The following ALPP variants were observed in gnomAD, a reference collection of about 807,000 sequenced individuals.
ALPP encodes alkaline phosphatase, placental type.
A neutral mutation model predicts 50.7 loss-of-function variants in ALPP; 39 were observed. The observed-to-expected ratio is 0.77, with a 90% confidence interval of 0.60 to 1.00. The LOEUF (loss-of-function observed/expected upper bound fraction) is 1.00, where lower values mean the gene tolerates loss of function less well. ALPP is among the 50% of genes least tolerant of loss of function. The probability of loss-of-function intolerance (pLI) is 0.00; values close to 1 mark genes in which losing one functional copy is unlikely to be tolerated. For missense variants in ALPP, 550 were observed against 746.8 expected (o/e 0.74, Z 3.07); for synonymous variants, 226 against 320.3 (o/e 0.71, Z 3.14).
chr2:232,381,730 G>T lies in ALPP; in HGVS notation c.1543G>T (p.Val515Phe). 2 of 1,600,392 alleles carry T rather than the reference G, an allele frequency of 1.2e-6. No homozygotes were observed. The highest frequency in any genetic ancestry group is 1.7e-6 in the Non-Finnish European group (2 of 1,175,202). Residue 515 changes from valine (V) to phenylalanine (F), a missense_variant, in exon 11 of 11, where the codon GTC (valine) becomes TTC (phenylalanine). Val to Phe is a conservative substitution (Grantham distance 50). Around this residue, in one of 5 missense-constraint regions of ALPP, gnomAD observed 155 missense variants for 167.6 expected, o/e 0.92. Coordinates refer to ENST00000392027, the MANE Select transcript of ALPP (RefSeq NM_001632.5). The part of the protein sequence containing the change: ...TDAAHPGRSV[V>F]PALLPLLAGT... ...CGCCGCGCACCCGGGGCGGTCCGTGGTCCCCGCGTTGCTTCCTCTGCTGGC... is the reference window on the plus strand; with the variant it reads ...CGCCGCGCACCCGGGGCGGTCCGTGTTCCCCGCGTTGCTTCCTCTGCTGGC...
At position 232,380,157 on chromosome 2, in the gene ALPP, A is replaced by G. The variant is rs376708291; in HGVS notation, c.658-29A>G. 4.2e-5 allele frequency: 68 copies of G among 1,613,798 alleles called. No individual in the cohort carries two copies. In the African/African-American group the frequency reaches 6.4e-4, roughly 15 times the overall value. On this transcript the variant is annotated intron_variant, in intron 5 of 10. Coordinates refer to ENST00000392027, the MANE Select transcript of ALPP (RefSeq NM_001632.5). ...GGGCACGGGGCCAGCCAGGGCCCCA[A>G]ATCCACCTGCCCCATCCTCTGTTCC...
At position 232,379,805 on chromosome 2, in the gene ALPP, G is replaced by A. The variant is rs774509069; in HGVS notation, c.526G>A (p.Ala176Thr). Residue 176 changes from alanine to threonine, a missense_variant, in exon 5 of 11, where the codon GCC becomes ACC. Ala to Thr is a moderately conservative substitution (Grantham distance 58, BLOSUM62 0). Coordinates refer to ENST00000392027, the MANE Select transcript of ALPP (RefSeq NM_001632.5). ...GVVTTTRVQH[A>T]SPAGTYAHTV... ...GGTAACCACCACACGAGTGCAGCAC[G>A]CCTCGCCAGCCGGCACCTACGCCCA... 2.3e-5 allele frequency: 37 copies of A among 1,613,674 alleles called. No homozygotes were observed. Among genetic ancestry groups the A allele is most frequent in the East Asian group, 4.5e-5 (2 of 44,898 alleles).
At chr2:232,380,356 G>A (rs778699761) in intron 6 of ALPP, 36 bp downstream of exon 6, 80 of 1,613,306 alleles carry the variant, frequency 5.0e-5, no homozygotes, top group Non-Finnish European at 6.1e-5. Flanking sequence ...GGCACAGCAG[G>A]GGGAGGGCAG....
In ALPP at chr2:232,382,787, C is replaced by T. The variant is rs893351797; in HGVS notation, c.*992C>T. ...AGATTGCAGTGAGCCGAGGTCATGC[C>T]ACTGCACTGCAGCCTGGGCGACAGA... is the stretch of plus-strand genomic sequence containing the variant. On this transcript the variant is annotated 3_prime_UTR_variant, in exon 11 of 11. Coordinates refer to ENST00000392027, the MANE Select transcript of ALPP (RefSeq NM_001632.5). The T allele has an allele frequency of 6.6e-6, 1 of 152,174 alleles. No homozygotes were observed. Among genetic ancestry groups the T allele is most frequent in the Non-Finnish European group, 1.5e-5 (1 of 68,048 alleles). 9.4% of individuals were successfully genotyped at this position (152,174 alleles called of 1,614,324 possible).
Position 232,379,057 on chromosome 2 carries a change from G to A in ALPP, c.163G>A (p.Ala55Thr), listed in dbSNP as rs766967562. ...GAAGCTGCAGCCTGCACAGACAGCCGCCAAGAACCTCATCATCTTCCTGGG... is the reference window on the plus strand; with the variant it reads ...GAAGCTGCAGCCTGCACAGACAGCCACCAAGAACCTCATCATCTTCCTGGG... The part of the protein sequence containing the change: ...AKKLQPAQTA[A>T]KNLIIFLGDG... The change falls in exon 2 of 11, where the codon GCC (alanine) becomes ACC (threonine). Residue 55 changes from alanine (A) to threonine (T), a missense_variant. By Grantham distance (58) the Ala-to-Thr change is moderately conservative. This residue lies in a region of ALPP where 376 missense variants were observed against 388.5 expected (regional missense o/e 0.97). Coordinates refer to ENST00000392027, the MANE Select transcript of ALPP (RefSeq NM_001632.5). 1.3e-4 allele frequency: 203 copies of A among 1,613,976 alleles called. No individual in the cohort carries two copies. The highest frequency in any genetic ancestry group is 1.5e-4 in the Non-Finnish European group (172 of 1,180,040).
rs145551892 is a variant in ALPP at position 232,380,274 on chromosome 2, G to A, written c.746G>A (p.Arg249Lys). 127 of 1,614,008 alleles carry A rather than the reference G, an allele frequency of 7.9e-5. No homozygotes were observed. The highest frequency in any genetic ancestry group is 1.1e-4 in the Non-Finnish European group (124 of 1,180,028). ...YPDDYSQGGT[R>K]LDGKNLVQEW... ...GATGACTACAGCCAAGGTGGGACCA[G>A]GCTGGACGGGAAGAATCTGGTGCAG... Residue 249 changes from arginine (R) to lysine (K), a missense_variant, in exon 6 of 11, where the codon AGG becomes AAG. Arg to Lys is a conservative substitution (Grantham distance 26). Transcript: ENST00000392027.
chr2:232,379,277 C>G lies in ALPP; in HGVS notation c.271C>G (p.Leu91Val), dbSNP rs1265638524. ...KKDKLGPEIP[L>V]AMDRFPYVAL... ...GGACAAACTGGGGCCTGAGATACCC[C>G]TGGCCATGGACCGCTTCCCATATGT... The change falls in exon 3 of 11, where the codon CTG becomes GTG. Residue 91 changes from leucine to valine, a missense_variant. Around this residue, in one of 5 missense-constraint regions of ALPP, gnomAD observed 376 missense variants for 388.5 expected, o/e 0.97. Coordinates refer to ENST00000392027, the MANE Select transcript of ALPP (RefSeq NM_001632.5). 2 of 1,613,984 alleles carry G rather than the reference C, an allele frequency of 1.2e-6. No homozygotes were observed. The highest frequency in any genetic ancestry group is 2.7e-5 in the African/African-American group (2 of 74,898).
Position 232,381,985 on chromosome 2 carries a change from G to A in ALPP, c.*190G>A, listed in dbSNP as rs1696727099. ...ATGACACCAAACCTGCCCCTTGGCTGCTCTCGGACTCCCTACCCCAACCCC... is the reference window on the plus strand; with the variant it reads ...ATGACACCAAACCTGCCCCTTGGCTACTCTCGGACTCCCTACCCCAACCCC... On this transcript the variant is annotated 3_prime_UTR_variant, in exon 11 of 11. Transcript: ENST00000392027. 5 of 960,772 alleles carry A rather than the reference G, an allele frequency of 5.2e-6. No homozygotes were observed. Among genetic ancestry groups the A allele is most frequent in the South Asian group, 1.7e-5 (1 of 57,230 alleles). The allele number at this position is 960,772 out of a possible 1,614,324, so 59.5% of individuals were successfully genotyped here. A position where few individuals can be genotyped will look rare whatever the true frequency, so the allele number is the denominator to read the frequency against.
intron 7 of ALPP, 24 bp downstream of exon 7, chr2:232,380,516 G>A (rs760880870): frequency 1.9e-6 from 3 of 1,613,924 alleles, no homozygotes; most frequent in Admixed American, 1.7e-5. Flanking sequence ...TCCTGCCCTG[G>A]CATCCCTCAG....
rs550577575 is a variant in ALPP at position 232,379,644 on chromosome 2, C to T, written c.441C>T (p.Arg147=). The T allele has an allele frequency of 3.1e-4, 504 of 1,613,842 alleles. No homozygotes were observed. The highest frequency in any genetic ancestry group is 4.0e-4 in the Non-Finnish European group (472 of 1,179,918). ...GCTTTAACCAGTGCAACACGACACGCGGCAACGAGGTCATCTCCGTGATGA... is the reference window on the plus strand; with the variant it reads ...GCTTTAACCAGTGCAACACGACACGTGGCAACGAGGTCATCTCCGTGATGA... The part of the protein sequence containing the change: ...AARFNQCNTT[R]GNEVISVMNR... Residue 147 remains arginine, a synonymous_variant, in exon 4 of 11, where the codon CGC becomes CGT. Coordinates refer to ENST00000392027, the MANE Select transcript of ALPP (RefSeq NM_001632.5).
chr2:232,379,268 G>C lies in ALPP; in HGVS notation c.262G>C (p.Glu88Gln). Residue 88 changes from glutamate (E) to glutamine (Q), a missense_variant, in exon 3 of 11, where the codon GAG becomes CAG. Glu to Gln is a conservative substitution (Grantham distance 29, BLOSUM62 2). Coordinates refer to ENST00000392027, the MANE Select transcript of ALPP (RefSeq NM_001632.5). ...KGQKKDKLGPEIPLAMDRFPY... is the reference protein window; with the variant it reads ...KGQKKDKLGPQIPLAMDRFPY... ...GCAGAAGAAGGACAAACTGGGGCCTGAGATACCCCTGGCCATGGACCGCTT... is the reference window on the plus strand; with the variant it reads ...GCAGAAGAAGGACAAACTGGGGCCTCAGATACCCCTGGCCATGGACCGCTT... 6.2e-7 allele frequency: 1 copy of C among 1,614,096 alleles called. No individual in the cohort carries two copies. The highest frequency in any genetic ancestry group is 8.5e-7 in the Non-Finnish European group (1 of 1,180,036).
rs1696742599 is a variant in ALPP, at chr2:232,382,762, A to C, written c.*967A>C. On this transcript the variant is annotated 3_prime_UTR_variant, in exon 11 of 11. Coordinates refer to ENST00000392027, the MANE Select transcript of ALPP (RefSeq NM_001632.5). ...ATAATCGCTTGAACCCGGGCGGCGG[A>C]GATTGCAGTGAGCCGAGGTCATGCC... 1 of 152,206 alleles carries C rather than the reference A, an allele frequency of 6.6e-6. No individual in the cohort carries two copies. Among genetic ancestry groups the C allele is most frequent in the Admixed American group, 6.5e-5 (1 of 15,284 alleles). The allele number at this position is 152,206 out of a possible 1,614,324, so 9.4% of individuals were successfully genotyped here.
In ALPP at chr2:232,381,289, A is replaced by G. The variant is rs1239902769; in HGVS notation, c.1231A>G (p.Thr411Ala). The G allele has an allele frequency of 1.2e-6, 2 of 1,613,824 alleles. No homozygotes were observed. Among genetic ancestry groups the G allele is most frequent in the African/African-American group, 2.7e-5 (2 of 74,840 alleles). ...CAAGGCCCGGGACAGGAAGGCCTAC[A>G]CGGTCCTCCTATACGGAAACGGTCC... ...PGKARDRKAY[T>A]VLLYGNGPGY... Residue 411 changes from threonine to alanine, a missense_variant, in exon 10 of 11, where the codon ACG becomes GCG. Coordinates refer to ENST00000392027, the MANE Select transcript of ALPP (RefSeq NM_001632.5).
At chr2:232,381,388 C>A (rs2106379322) in intron 10 of ALPP, 21 bp downstream of exon 10, 1 of 1,614,010 alleles carries the variant, frequency 6.2e-7, no homozygotes, top group Middle Eastern at 1.7e-4. Context: ...CGGGGTGGCC[C>A]CCTGAGGGGG....
Position 232,381,557 on chromosome 2 carries a change from A to T in ALPP, c.1370A>T (p.Glu457Val). Residue 457 changes from glutamate (E) to valine (V), a missense_variant, in exon 11 of 11, where the codon GAG becomes GTG. Coordinates refer to ENST00000392027, the MANE Select transcript of ALPP (RefSeq NM_001632.5). ...CTGGACGAAGAGACCCACGCAGGCG[A>T]GGACGTGGCGGTGTTCGCGCGCGGC... ...VPLDEETHAGEDVAVFARGPQ... is the reference protein window; with the variant it reads ...VPLDEETHAGVDVAVFARGPQ... The T allele has an allele frequency of 1.9e-6, 3 of 1,613,116 alleles. No individual in the cohort carries two copies. Among genetic ancestry groups the T allele is most frequent in the Non-Finnish European group, 2.5e-6 (3 of 1,179,816 alleles).
rs1696682371 is a variant in ALPP at position 232,380,317 on chromosome 2, C to T, written c.789C>T (p.Arg263=). The T allele has an allele frequency of 1.2e-6, 2 of 1,613,434 alleles. No individual in the cohort carries two copies. Among genetic ancestry groups the T allele is most frequent in the African/African-American group, 2.7e-5 (2 of 74,854 alleles). ...KNLVQEWLAK[R]QGARYVWNRT... ...TGGTGCAGGAATGGCTGGCGAAGCG[C>T]CAGGTGATGGGGGCTGGCGGGTGCA... The change falls in exon 6 of 11, where the codon CGC becomes CGT. Residue 263 remains arginine, a synonymous_variant. Transcript: ENST00000392027.
In ALPP at chr2:232,381,375, C is replaced by T. The variant is rs753765686; in HGVS notation, c.1309+8C>T. On this transcript the variant is annotated splice_region_variant and intron_variant, in intron 10 of 10. Transcript: ENST00000392027. ...TTACCGAGAGCGAGAGCGGTGAGTG[C>T]CGCGGGGTGGCCCCCTGAGGGGGAC... 12 of 1,614,094 alleles carry T rather than the reference C, an allele frequency of 7.4e-6. No homozygotes were observed. The South Asian group carries it at 1.2e-4, about 16-fold the overall frequency.
Position 232,378,959 on chromosome 2 carries a change from C to G in ALPP, c.77-12C>G, listed in dbSNP as rs1297121656. On this transcript the variant is annotated splice_polypyrimidine_tract_variant and intron_variant, in intron 1 of 10. Coordinates refer to ENST00000392027, the MANE Select transcript of ALPP (RefSeq NM_001632.5). ...CCCAGGCTGACCTGATTTTTGCTCT[C>G]CCCCTGGCCAGTTGAGGAGGAGAAC... is the stretch of plus-strand genomic sequence containing the variant. 1.9e-6 allele frequency: 3 copies of G among 1,613,946 alleles called. No individual in the cohort carries two copies. The highest frequency in any genetic ancestry group is 2.5e-6 in the Non-Finnish European group (3 of 1,179,998).
At position 232,382,181 on chromosome 2, in the gene ALPP, T is replaced by A. The variant is rs927899038; in HGVS notation, c.*386T>A. ...TCTTTGCTTCAGTCCTTGAATCACC[T>A]GTGGGACTTGAGGACTCGGGATCTT... On this transcript the variant is annotated 3_prime_UTR_variant, in exon 11 of 11. Coordinates refer to ENST00000392027, the MANE Select transcript of ALPP (RefSeq NM_001632.5). 3.3e-5 allele frequency: 9 copies of A among 273,886 alleles called. No homozygotes were observed. The highest frequency in any genetic ancestry group is 1.8e-4 in the African/African-American group (8 of 44,306). The allele number at this position is 273,886 out of a possible 1,614,324, so 17.0% of individuals were successfully genotyped here. A position where few individuals can be genotyped will look rare whatever the true frequency, so the allele number is the denominator to read the frequency against.
Sources: allele counts gnomAD v4.1 joint callset, GRCh38; gene constraint gnomAD v4.1.1; regional missense constraint gnomAD v4.1.1; transcripts MANE v1.5; gene names NCBI Gene and HGNC (gene_info 2026-07-23, HGNC 2026-07-21).